Variants in FGGY observed in about 807,000 individuals in gnomAD.
FGGY encodes FGGY carbohydrate kinase domain containing.
FGGY carries 72 observed loss-of-function variants against 71.3 expected under a neutral mutation model. The ratio of observed to expected loss-of-function variants is 1.01; its 90% confidence interval spans 0.84 to 1.23. The LOEUF (loss-of-function observed/expected upper bound fraction) is 1.23, where lower values mean the gene tolerates loss of function less well. Ranked by LOEUF, FGGY falls within the 50% of genes most tolerant of loss-of-function variation. FGGY has a pLI of 0.00. For missense variants in FGGY, 668 were observed against 682.3 expected (o/e 0.98, Z 0.23); for synonymous variants, 251 against 250.3 (o/e 1.00, Z -0.02).
chr1:59,711,498 A>G (rs2097793941), intron 14 of FGGY, among the ~76,000 whole-genome samples: 1 of 152,254 alleles, frequency 6.6e-6, no homozygotes, highest in African/African-American at 2.4e-5. Flanking sequence ...ATTAATGCCC[A>G]GCTTGGGCTC....
intron 4 of FGGY, among the ~76,000 whole-genome samples, chr1:59,347,619 T>C (rs2052344815): frequency 6.6e-6 from 1 of 152,092 alleles, no homozygotes; most frequent in African/African-American, 2.4e-5. Context: ...TATAGACCAG[T>C]GGAACAGAAC....
At chr1:59,571,020 A>G (rs1269185787) in intron 8 of FGGY, among the ~76,000 whole-genome samples, 2 of 152,204 alleles carry the variant, frequency 1.3e-5, no homozygotes, top group East Asian at 3.8e-4. Context: ...ATATACATTC[A>G]AAAAGCACTT....
intron 6 of FGGY, among the ~76,000 whole-genome samples, chr1:59,465,370 G>A (rs1449093234): frequency 6.6e-6 from 1 of 152,132 alleles, no homozygotes; most frequent in Non-Finnish European, 1.5e-5. Context: ...AATAATAAGA[G>A]CTGTTTATGA....
rs2097821543 is a variant in FGGY at position 59,713,893 on chromosome 1, G to A, written c.1512+39760G>A. Among the ~76,000 whole-genome samples the A allele has an allele frequency of 2.6e-5, 4 of 152,226 alleles. No individual in the cohort carries two copies. In the Middle Eastern group the frequency reaches 0.014, roughly 518 times the overall value. ...TTTCTAGGTATATCTTTGCTTTTTG[G>A]AAGTCTAAAACATCTGGTAGAATCT... is the stretch of plus-strand genomic sequence containing the variant. On this transcript the variant is annotated intron_variant, in intron 14 of 15. Transcript: ENST00000303721.
chr1:59,363,454 G>A (rs775809719), intron 4 of FGGY, among the ~76,000 whole-genome samples: 2 of 152,158 alleles, frequency 1.3e-5, no homozygotes, highest in African/African-American at 4.8e-5. Context: ...CAACCCTATG[G>A]CATAGGCACT....
At chr1:59,379,442 C>G (rs951708573) in intron 5 of FGGY, among the ~76,000 whole-genome samples, 1 of 151,950 alleles carries the variant, frequency 6.6e-6, no homozygotes, top group African/African-American at 2.4e-5. Context: ...GAAAAGATAT[C>G]ATAAAAATAC....
rs1350353591 is a variant in FGGY, at chr1:59,648,252, G to C, written c.1221+9877G>C. On this transcript the variant is annotated intron_variant, in intron 11 of 15. Coordinates refer to ENST00000303721, the MANE Select transcript of FGGY (RefSeq NM_018291.5). ...ATAACAGCATGATTTATAGTCATTT[G>C]GGTATATACCCAGTAATGGGATGGC... Among the ~76,000 whole-genome samples, 4 of 105,536 alleles carry C rather than the reference G, an allele frequency of 3.8e-5. No homozygotes were observed. The East Asian group carries it at 1.0e-3, about 27-fold the overall frequency. 69.2% of individuals were successfully genotyped at this position (105,536 alleles called of 152,430 possible).
rs1187005547 is a variant in FGGY at position 59,380,713 on chromosome 1, T to C, written c.554+1876T>C. On this transcript the variant is annotated intron_variant, in intron 5 of 15. Transcript: ENST00000303721. ...ATTAGTCCTTTGTCAGATGAGTAGA[T>C]TGCAAAAATTTTCTCCCATTCTGTA... is the stretch of plus-strand genomic sequence containing the variant. 2.0e-5 allele frequency among the ~76,000 whole-genome samples: 3 copies of C among 151,618 alleles called. 1 individual carries two copies. Among genetic ancestry groups the C allele is most frequent in the African/African-American group, 4.9e-5 (2 of 40,856 alleles).
chr1:59,449,021 T>C (rs1308420151), intron 5 of FGGY, among the ~76,000 whole-genome samples: 1 of 152,196 alleles, frequency 6.6e-6, no homozygotes, highest in Non-Finnish European at 1.5e-5. Context: ...CATTCTGTCA[T>C]GAATCCTTGA....
At chr1:59,361,749 C>A (rs969025968) in intron 4 of FGGY, among the ~76,000 whole-genome samples, 2 of 152,158 alleles carry the variant, frequency 1.3e-5, no homozygotes, top group Non-Finnish European at 2.9e-5. Flanking sequence ...AAGACCTGGA[C>A]CTGAGAACTC....
intron 6 of FGGY, among the ~76,000 whole-genome samples, chr1:59,470,111 A>T (rs2092864796): frequency 6.6e-6 from 1 of 152,158 alleles, no homozygotes; most frequent in Non-Finnish European, 1.5e-5. Flanking sequence ...TGGGGTATAT[A>T]CCCAGTAATG....
intron 12 of FGGY, 23 bp from the exon 13 acceptor site, chr1:59,667,260 T>C (rs1246234748): frequency 6.2e-7 from 1 of 1,613,820 alleles, no homozygotes; most frequent in Non-Finnish European, 8.5e-7. Context: ...ATACTGATGC[T>C]ATCTTCTGCT....
intron 6 of FGGY, among the ~76,000 whole-genome samples, chr1:59,490,875 T>C (rs1353410557): frequency 6.6e-6 from 1 of 152,094 alleles, no homozygotes; most frequent in Admixed American, 6.6e-5. Context: ...TCTTTTCCAT[T>C]GGTCTGTGTG....
intron 11 of FGGY, chr1:59,641,362 T>C (rs763724953): frequency 3.1e-6 from 5 of 1,594,782 alleles, no homozygotes; most frequent in African/African-American, 1.5e-5. Flanking sequence ...GTGACTCTTT[T>C]CTTGCATTGT....
At chr1:59,622,264 C>T (rs1166793429) in intron 9 of FGGY, among the ~76,000 whole-genome samples, 1 of 151,956 alleles carries the variant, frequency 6.6e-6, no homozygotes, top group African/African-American at 2.4e-5. Context: ...CTTTAAAATT[C>T]TTATCTTCTA....
intron 2 of FGGY, among the ~76,000 whole-genome samples, chr1:59,328,180 T>A (rs2047773880): frequency 6.7e-6 from 1 of 148,602 alleles, no homozygotes; most frequent in Non-Finnish European, 1.5e-5. Flanking sequence ...TCCTAGATGG[T>A]ATCTTCTTCC....
At chr1:59,578,037 A>C (rs2096115191) in intron 8 of FGGY, among the ~76,000 whole-genome samples, 1 of 152,164 alleles carries the variant, frequency 6.6e-6, no homozygotes, top group Non-Finnish European at 1.5e-5. Context: ...CTTGTGCTAA[A>C]CGTCACCCTG....
At chr1:59,420,012 G>C (rs183224576) in intron 5 of FGGY, among the ~76,000 whole-genome samples, 7 of 152,302 alleles carry the variant, frequency 4.6e-5, no homozygotes, top group Admixed American at 4.6e-4. Context: ...GTAGTGATTT[G>C]ACAGTTTTCA....
chr1:59,701,959 T>C (rs1458084009), intron 14 of FGGY, among the ~76,000 whole-genome samples: 2 of 152,212 alleles, frequency 1.3e-5, no homozygotes, highest in Non-Finnish European at 2.9e-5. Flanking sequence ...ATAAAGATAC[T>C]ACCTGAGACT....
Sources: gnomAD v4.1 joint callset for allele counts (sites outside exome capture counted in the v4.1 genomes callset) on GRCh38, gnomAD v4.1.1 for gene constraint, MANE v1.5 for transcripts, NCBI Gene and HGNC (gene_info 2026-07-23, HGNC 2026-07-21) for gene names.